Variants in CFAP299 observed in about 807,000 individuals in gnomAD.
The protein encoded by CFAP299 is cilia- and flagella-associated protein 299.
In CFAP299, 21 loss-of-function variants were observed where a neutral mutation model predicts 27.0. The observed-to-expected ratio is 0.78, with a 90% CI of 0.55 to 1.12. The LOEUF is 1.12. Among genes scored for constraint, CFAP299 ranks in the 50% most tolerant of loss-of-function variants. CFAP299 has a pLI of 0.00. For missense variants in CFAP299, 310 were observed against 276.6 expected (o/e 1.12, Z -0.86); for synonymous variants, 104 against 98.1 (o/e 1.06, Z -0.36).
At chr4:80,402,153 T>C (rs959952401) in intron 2 of CFAP299, among the ~76,000 whole-genome samples, 1 of 152,212 alleles carries the variant, frequency 6.6e-6, no homozygotes, top group Non-Finnish European at 1.5e-5. Flanking sequence ...TTGTCTCAGA[T>C]GAGACTTTAG....
At position 80,880,758 on chromosome 4, in the gene CFAP299, T is replaced by A. The variant is rs149371755; in HGVS notation, c.476+10623T>A. 8.9e-3 allele frequency among the ~76,000 whole-genome samples: 1,351 copies of A among 151,168 alleles called. 7 individuals carry two copies. The highest frequency in any genetic ancestry group is 0.018 in the African/African-American group (740 of 40,782). ...AAAATAAAATAAAATAAAATAAAAT[T>A]AAATTAAATTAAAATTTTAAAAAGA... On this transcript the variant is annotated intron_variant, in intron 4 of 5. Coordinates refer to ENST00000358105, the MANE Select transcript of CFAP299 (RefSeq NM_152770.3).
At chr4:80,822,661 C>T (rs560341938) in intron 3 of CFAP299, among the ~76,000 whole-genome samples, 2 of 152,248 alleles carry the variant, frequency 1.3e-5, no homozygotes, top group African/African-American at 4.8e-5. Flanking sequence ...AGCATAAGCA[C>T]AGAAAAATTA....
intron 2 of CFAP299, among the ~76,000 whole-genome samples, chr4:80,503,006 T>C (rs1203634407): frequency 1.3e-5 from 2 of 152,232 alleles, no homozygotes; most frequent in East Asian, 1.9e-4. Flanking sequence ...AAGGAGCTGA[T>C]ACTTGAGGTG....
intron 3 of CFAP299, among the ~76,000 whole-genome samples, chr4:80,684,783 T>C (rs965303700): frequency 1.3e-5 from 2 of 152,168 alleles, no homozygotes; most frequent in Non-Finnish European, 1.5e-5. Context: ...GTCACTGTCA[T>C]GCTTTTTTTT....
rs1738466507 is a variant in CFAP299, at chr4:80,963,642, G to T, written c.*30G>T. 1 of 1,455,748 alleles carries T rather than the reference G, an allele frequency of 6.9e-7. No homozygotes were observed. Among genetic ancestry groups the T allele is most frequent in the Non-Finnish European group, 9.5e-7 (1 of 1,049,378 alleles). 90.2% of individuals were successfully genotyped at this position (1,455,748 alleles called of 1,614,324 possible). A position where few individuals can be genotyped will look rare whatever the true frequency, so the allele number is the denominator to read the frequency against. ...CAACATGTTAATTTCCTAATAATTT[G>T]CTAAATTTAAATAAATTCCGTAGAC... On this transcript the variant is annotated 3_prime_UTR_variant, in exon 6 of 6. Coordinates refer to ENST00000358105, the MANE Select transcript of CFAP299 (RefSeq NM_152770.3).
At chr4:80,721,472 C>A (rs1348372880) in intron 3 of CFAP299, among the ~76,000 whole-genome samples, 1 of 152,114 alleles carries the variant, frequency 6.6e-6, no homozygotes, top group Non-Finnish European at 1.5e-5. Context: ...TTTGTGTGTC[C>A]TCATTTCCTC....
intron 3 of CFAP299, among the ~76,000 whole-genome samples, chr4:80,687,651 T>TAA (rs1720292846): frequency 6.6e-6 from 1 of 152,176 alleles, no homozygotes; most frequent in Non-Finnish European, 1.5e-5. Flanking sequence ...GAAGGCTGTC[T>TAA]AAAACACAGA....
At chr4:80,873,148 T>C in intron 4 of CFAP299, 1 of 366,770 alleles carries the variant, frequency 2.7e-6, no homozygotes, top group Non-Finnish European at 3.8e-6. Context: ...GTTAGGCAGT[T>C]GTTATTAGGG....
the CFAP299 span, among the ~76,000 whole-genome samples, chr4:80,327,851 A>G: frequency 6.6e-6 from 1 of 150,534 alleles, no homozygotes; most frequent in Non-Finnish European, 1.5e-5. Context: ...AAGCTCTGGA[A>G]CATTCAAACA....
chr4:80,823,633 T>C (rs1210902858), intron 3 of CFAP299, among the ~76,000 whole-genome samples: 4 of 152,156 alleles, frequency 2.6e-5, no homozygotes, highest in Non-Finnish European at 4.4e-5. Context: ...TATGTTTTCA[T>C]ACATTAATTC....
At chr4:80,949,126 C>A (rs1166562359) in intron 5 of CFAP299, among the ~76,000 whole-genome samples, 1 of 152,068 alleles carries the variant, frequency 6.6e-6, no homozygotes, top group African/African-American at 2.4e-5. Flanking sequence ...GATTTATGAA[C>A]AGACTTCAAC....
intron 2 of CFAP299, among the ~76,000 whole-genome samples, chr4:80,485,252 TAATA>T (rs1203222245): frequency 6.7e-6 from 1 of 148,982 alleles, no homozygotes; most frequent in Non-Finnish European, 1.5e-5. Flanking sequence ...TGTATAAATA[TAATA>T]AAATATATAT....
chr4:80,574,396 A>G (rs1735744327), intron 2 of CFAP299, among the ~76,000 whole-genome samples: 1 of 152,286 alleles, frequency 6.6e-6, no homozygotes, highest in South Asian at 2.1e-4. Context: ...TCTCATCTGC[A>G]AACAAGGATA....
chr4:80,436,763 G>A lies in CFAP299; in HGVS notation c.242+73879G>A, dbSNP rs78601982. ...AAATATAATACGACCTTTTGTCCTTGGGTAATTTTGTGCAGCAGAGCTGTC... is the reference window on the plus strand; with the variant it reads ...AAATATAATACGACCTTTTGTCCTTAGGTAATTTTGTGCAGCAGAGCTGTC... On this transcript the variant is annotated intron_variant, in intron 2 of 5. Coordinates refer to ENST00000358105, the MANE Select transcript of CFAP299 (RefSeq NM_152770.3). 6.1e-4 allele frequency among the ~76,000 whole-genome samples: 93 copies of A among 152,242 alleles called. No individual in the cohort carries two copies. The East Asian group carries it at 0.011, about 19-fold the overall frequency.
intron 2 of CFAP299, among the ~76,000 whole-genome samples, chr4:80,477,251 A>G (rs1051550769): frequency 2.6e-5 from 4 of 152,044 alleles, no homozygotes; most frequent in African/African-American, 4.8e-5. Context: ...TTGTAGAGAC[A>G]GGGTTTCTGT....
intron 3 of CFAP299, among the ~76,000 whole-genome samples, chr4:80,611,774 C>A (rs1440897176): frequency 6.6e-6 from 1 of 151,946 alleles, no homozygotes; most frequent in Non-Finnish European, 1.5e-5. Flanking sequence ...GAAATGGGAG[C>A]TGGAAGACTG....
At chr4:80,343,042 C>T (rs531651587) in intron 1 of CFAP299, among the ~76,000 whole-genome samples, 40 of 152,260 alleles carry the variant, frequency 2.6e-4, no homozygotes, top group African/African-American at 9.6e-4. Flanking sequence ...TCTGACAAAG[C>T]AGACTTTAAA....
chr4:80,812,877 T>G (rs1008989406), intron 3 of CFAP299, among the ~76,000 whole-genome samples: 1 of 152,148 alleles, frequency 6.6e-6, no homozygotes, highest in Admixed American at 6.6e-5. Context: ...CATTTGGATC[T>G]AATGACATCA....
At chr4:80,940,755 T>C (rs879777496) in intron 4 of CFAP299, among the ~76,000 whole-genome samples, 13 of 152,226 alleles carry the variant, frequency 8.5e-5, no homozygotes, top group Non-Finnish European at 1.8e-4. Context: ...TAAGTACTAA[T>C]ATCTCTCTGT....
Sources: allele counts gnomAD v4.1 joint callset (sites outside exome capture counted in the v4.1 genomes callset), GRCh38; gene constraint gnomAD v4.1.1; transcripts MANE v1.5; gene names NCBI Gene and HGNC (gene_info 2026-07-23, HGNC 2026-07-21).